UGT8: variants seen among roughly 807,000 people sequenced by gnomAD.
UGT8 encodes 2-hydroxyacylsphingosine 1-beta-galactosyltransferase.
In UGT8, 12 loss-of-function variants were observed where a neutral mutation model predicts 40.5. The ratio of observed to expected loss-of-function variants is 0.30; its 90% confidence interval spans 0.19 to 0.48. UGT8 has a LOEUF of 0.48. UGT8 is among the 20% of genes least tolerant of loss of function. The probability of loss-of-function intolerance (pLI) is 0.99; values close to 1 mark genes in which losing one functional copy is unlikely to be tolerated. For missense variants in UGT8, 513 were observed against 648.7 expected, an observed-to-expected ratio of 0.79 and a Z score of 2.27; for synonymous variants, 224 against 240.4, an observed-to-expected ratio of 0.93 and a Z score of 0.63.
chr4:114,616,004 G>A (rs1031206114), intron 1 of UGT8, among the ~76,000 whole-genome samples: 1 of 152,148 alleles, frequency 6.6e-6, no homozygotes, highest in African/African-American at 2.4e-5. Flanking sequence ...GTGTCAGTCT[G>A]CCCTTACTGG....
chr4:114,658,369 A>C (rs1734315322), intron 2 of UGT8, among the ~76,000 whole-genome samples: 1 of 152,142 alleles, frequency 6.6e-6, no homozygotes, highest in South Asian at 2.1e-4. Flanking sequence ...GGGGCCAACA[A>C]AGGATGCAGT....
intron 1 of UGT8, among the ~76,000 whole-genome samples, 183 bp downstream of exon 1, chr4:114,599,157 G>T (rs1379539609): frequency 6.6e-6 from 1 of 151,916 alleles, no homozygotes; most frequent in Non-Finnish European, 1.5e-5. Flanking sequence ...GTTAGTGGGG[G>T]TTGGCGGGGT....
chr4:114,602,483 C>T (rs1275111193), intron 1 of UGT8, among the ~76,000 whole-genome samples: 1 of 152,146 alleles, frequency 6.6e-6, no homozygotes, highest in African/African-American at 2.4e-5. Context: ...ATCTTGAAAA[C>T]AGTGGTAATC....
At chr4:114,606,124 C>T (rs1730716672) in intron 1 of UGT8, among the ~76,000 whole-genome samples, 3 of 152,128 alleles carry the variant, frequency 2.0e-5, no homozygotes, top group Admixed American at 1.3e-4. Context: ...GGACACACTT[C>T]TGTAACACAT....
intron 1 of UGT8, among the ~76,000 whole-genome samples, chr4:114,621,914 T>C (rs534658376): frequency 6.6e-6 from 1 of 152,040 alleles, no homozygotes; most frequent in Admixed American, 6.6e-5. Context: ...TTAATAGTGA[T>C]TTTTTTTGTA....
chr4:114,676,667 G>T lies in UGT8; in HGVS notation c.*379G>T, dbSNP rs1210267099. On this transcript the variant is annotated 3_prime_UTR_variant, in exon 6 of 6. Transcript: ENST00000310836. Reference sequence around the variant, plus strand: ...TGTGTGTGTGTGTGTGTGTGTGTTTGTGTGTGTGTGTGTGTGTCCTAATTA... The same window carrying T: ...TGTGTGTGTGTGTGTGTGTGTGTTTTTGTGTGTGTGTGTGTGTCCTAATTA... The T allele has an allele frequency of 3.3e-5, 5 of 150,506 alleles. No individual in the cohort carries two copies. Among genetic ancestry groups the T allele is most frequent in the Admixed American group, 6.8e-5 (1 of 14,678 alleles). 9.3% of individuals were successfully genotyped at this position (150,506 alleles called of 1,614,324 possible).
At chr4:114,617,016 G>C (rs1165865026) in intron 1 of UGT8, among the ~76,000 whole-genome samples, 1 of 152,086 alleles carries the variant, frequency 6.6e-6, no homozygotes. Context: ...ACTTTGGTAG[G>C]CTGAGGCAGG....
chr4:114,678,096 G>A lies in UGT8; in HGVS notation c.*1808G>A, dbSNP rs1474513408. 3 of 152,174 alleles carry A rather than the reference G, an allele frequency of 2.0e-5. No homozygotes were observed. The highest frequency in any genetic ancestry group is 7.2e-5 in the African/African-American group (3 of 41,442). The allele number at this position is 152,174 out of a possible 1,614,324, so 9.4% of individuals were successfully genotyped here. Reference sequence around the variant, plus strand: ...TGGTGGGATAGTAAGAGGACTTAGAGTGTATGAATGAGTTGATTTTACTTT... The same window carrying A: ...TGGTGGGATAGTAAGAGGACTTAGAATGTATGAATGAGTTGATTTTACTTT... On this transcript the variant is annotated 3_prime_UTR_variant, in exon 6 of 6. Coordinates refer to ENST00000310836, the MANE Select transcript of UGT8 (RefSeq NM_001128174.3).
chr4:114,663,201 A>C (rs993099656), intron 2 of UGT8, among the ~76,000 whole-genome samples: 2 of 152,106 alleles, frequency 1.3e-5, no homozygotes, highest in African/African-American at 4.8e-5. Flanking sequence ...ATGCAGAAGC[A>C]TGGCTGACAC....
chr4:114,626,421 T>G (rs1732224511), intron 2 of UGT8, among the ~76,000 whole-genome samples: 1 of 152,204 alleles, frequency 6.6e-6, no homozygotes, highest in African/African-American at 2.4e-5. Flanking sequence ...TAGATTAGGT[T>G]TTCCAGATGT....
Sources: allele counts gnomAD v4.1 joint callset (sites outside exome capture counted in the v4.1 genomes callset), GRCh38; gene constraint gnomAD v4.1.1; transcripts MANE v1.5; gene names NCBI Gene and HGNC (gene_info 2026-07-23, HGNC 2026-07-21).